Variants in RBFOX1 observed in about 807,000 individuals in gnomAD.
The protein encoded by RBFOX1 is RNA binding fox-1 homolog 1.
In RBFOX1, 8 loss-of-function variants were observed where a neutral mutation model predicts 57.7. That is an observed-to-expected ratio of 0.14 (90% CI 0.08 to 0.25). The LOEUF is 0.25. RBFOX1 is among the 10% of genes least tolerant of loss of function. The pLI, the probability that RBFOX1 is intolerant of heterozygous loss-of-function variation, is 1.00. For missense variants in RBFOX1, 611 were observed against 548.5 expected (o/e 1.11, Z -1.14); for synonymous variants, 326 against 222.4 (o/e 1.47, Z -4.15).
chr16:5,893,316 A>G (rs1342033903), intron 4 of RBFOX1, among the ~76,000 whole-genome samples: 3 of 152,204 alleles, frequency 2.0e-5, no homozygotes, highest in Non-Finnish European at 4.4e-5. Context: ...GAATGGGCAC[A>G]AAAAATAGAA....
chr16:5,377,414 G>C (rs551565353), intron 1 of RBFOX1, among the ~76,000 whole-genome samples: 88 of 151,448 alleles, frequency 5.8e-4, no homozygotes, highest in Non-Finnish European at 9.9e-4. Context: ...AAATCACAAA[G>C]GGAAAAGTGT....
At chr16:6,132,831 A>G (rs2096638946) in intron 1 of RBFOX1, among the ~76,000 whole-genome samples, 1 of 152,048 alleles carries the variant, frequency 6.6e-6, no homozygotes, top group Admixed American at 6.6e-5. Flanking sequence ...TACTAAAAAT[A>G]CCAAAATTAG....
intron 2 of RBFOX1, among the ~76,000 whole-genome samples, chr16:6,633,032 T>C (rs920751070): frequency 2.0e-5 from 3 of 152,102 alleles, no homozygotes; most frequent in Non-Finnish European, 2.9e-5. Flanking sequence ...AAATAAATAC[T>C]TGATGTGTTT....
chr16:7,482,949 G>C (rs1259245490), intron 4 of RBFOX1, among the ~76,000 whole-genome samples: 2 of 152,144 alleles, frequency 1.3e-5, no homozygotes, highest in African/African-American at 4.8e-5. Context: ...GGTTGGAAAA[G>C]ACCTTCACCT....
chr16:6,296,818 A>C (rs1008899192), intron 1 of RBFOX1, among the ~76,000 whole-genome samples: 25 of 152,184 alleles, frequency 1.6e-4, no homozygotes, highest in African/African-American at 5.8e-4. Context: ...GTGTTACCAC[A>C]CCGAGGTACC....
chr16:6,573,960 C>T (rs763035758), intron 2 of RBFOX1: 6 of 152,248 alleles, frequency 3.9e-5, no homozygotes, highest in Non-Finnish European at 7.3e-5. Flanking sequence ...TATACCCTCG[C>T]TTAGGTTAGG....
chr16:6,691,518 A>T (rs968494790), intron 3 of RBFOX1, among the ~76,000 whole-genome samples: 3 of 152,142 alleles, frequency 2.0e-5, no homozygotes, highest in Non-Finnish European at 2.9e-5. Flanking sequence ...ATTCTGAGTA[A>T]ATGCGTTTCG....
At chr16:5,293,344 C>G (rs907147771) in intron 1 of RBFOX1, among the ~76,000 whole-genome samples, 2 of 152,084 alleles carry the variant, frequency 1.3e-5, no homozygotes, top group Non-Finnish European at 2.9e-5. Context: ...TTGCTGTTAT[C>G]ACACCTCATC....
chr16:6,267,720 A>T (rs1049848733), intron 1 of RBFOX1, among the ~76,000 whole-genome samples: 1 of 152,110 alleles, frequency 6.6e-6, no homozygotes. Context: ...CCTTTTTCCC[A>T]TGAAAGAGTC....
chr16:5,539,691 G>A (rs1360159422), intron 2 of RBFOX1, among the ~76,000 whole-genome samples: 1 of 152,150 alleles, frequency 6.6e-6, no homozygotes, highest in African/African-American at 2.4e-5. Flanking sequence ...GTGAGAGATT[G>A]TAAGAATTTT....
intron 1 of RBFOX1, among the ~76,000 whole-genome samples, chr16:5,389,771 C>G (rs894130843): frequency 6.6e-6 from 1 of 151,922 alleles, no homozygotes; most frequent in Non-Finnish European, 1.5e-5. Context: ...GATCTCAGCT[C>G]ACTGCGACTT....
At chr16:5,541,601 G>A (rs1009770865) in intron 2 of RBFOX1, among the ~76,000 whole-genome samples, 1 of 152,120 alleles carries the variant, frequency 6.6e-6, no homozygotes, top group Non-Finnish European at 1.5e-5. Flanking sequence ...GTTTATCTCA[G>A]CGAGCAGAGG....
At chr16:7,168,013 T>G (rs1348477586) in intron 4 of RBFOX1, among the ~76,000 whole-genome samples, 1 of 152,186 alleles carries the variant, frequency 6.6e-6, no homozygotes, top group African/African-American at 2.4e-5. Flanking sequence ...TAAACTTACA[T>G]TTCAATTTTT....
At chr16:5,863,915 T>C (rs1218471980) in intron 3 of RBFOX1, among the ~76,000 whole-genome samples, 2 of 152,210 alleles carry the variant, frequency 1.3e-5, no homozygotes, top group African/African-American at 4.8e-5. Context: ...CGTGAATTTC[T>C]TTTAACTTTT....
intron 3 of RBFOX1, among the ~76,000 whole-genome samples, chr16:5,686,024 G>A (rs1157981667): frequency 6.6e-6 from 1 of 152,160 alleles, no homozygotes; most frequent in Non-Finnish European, 1.5e-5. Flanking sequence ...AATACAAGTA[G>A]GTCTCTTTTT....
chr16:6,444,845 G>C (rs532121627), intron 2 of RBFOX1, among the ~76,000 whole-genome samples: 1 of 152,094 alleles, frequency 6.6e-6, no homozygotes, highest in African/African-American at 2.4e-5. Context: ...GCTGGGGCTT[G>C]GTTCTGTGTG....
intron 3 of RBFOX1, among the ~76,000 whole-genome samples, chr16:6,843,368 T>C (rs1263488645): frequency 6.6e-6 from 1 of 152,120 alleles, no homozygotes; most frequent in African/African-American, 2.4e-5. Flanking sequence ...TTCCTTACTT[T>C]TTGTATAGCC....
rs144912791 is a variant in RBFOX1 at position 7,217,893 on chromosome 16, C to T, written c.27+165795C>T. 6.1e-3 allele frequency among the ~76,000 whole-genome samples: 796 copies of T among 131,312 alleles called. 5 individuals carry two copies. The highest frequency in any genetic ancestry group is 9.9e-3 in the South Asian group (39 of 3,944). 86.1% of individuals were successfully genotyped at this position (131,312 alleles called of 152,430 possible). The stretch of plus-strand genomic sequence containing the variant: ...ACGCGTGTGTGCATGTGTGTGCATG[C>T]GTATGTGTGTGCATGTGTGTGTGTG... On this transcript the variant is annotated intron_variant, in intron 4 of 15. Coordinates refer to ENST00000550418, the MANE Select transcript of RBFOX1 (RefSeq NM_018723.4).
At chr16:6,945,997 T>C (rs2079436454) in intron 3 of RBFOX1, among the ~76,000 whole-genome samples, 1 of 152,224 alleles carries the variant, frequency 6.6e-6, no homozygotes, top group African/African-American at 2.4e-5. Context: ...CCTGAGGTCT[T>C]TCTGGAGCCT....
Sources: gnomAD v4.1 joint callset for allele counts (sites outside exome capture counted in the v4.1 genomes callset) on GRCh38, gnomAD v4.1.1 for gene constraint, MANE v1.5 for transcripts, NCBI Gene and HGNC (gene_info 2026-07-23, HGNC 2026-07-21) for gene names.